The following PCM1 variants were observed in gnomAD, a reference collection of about 807,000 sequenced individuals.
PCM1 encodes the protein pericentriolar material 1.
In PCM1, 157 loss-of-function variants were observed where a neutral mutation model predicts 241.9. The ratio of observed to expected loss-of-function variants is 0.65; its 90% CI spans 0.57 to 0.74. The LOEUF is 0.74. PCM1 is among the 30% of genes least tolerant of loss of function. The pLI, the probability that PCM1 is intolerant of heterozygous loss-of-function variation, is 0.00. For synonymous variants in PCM1, 1,085 were observed against 784.9 expected (o/e 1.38, Z -6.39); for missense variants, 3,478 against 2,360.1 (o/e 1.47, Z -9.81).
rs2073698255 is a variant in PCM1 at position 17,963,875 on chromosome 8, G to C, written c.2654+584G>C. On this transcript the variant is annotated intron_variant, in intron 17 of 38. Coordinates refer to ENST00000325083, the MANE Select transcript of PCM1 (RefSeq NM_006197.4). ...TTGATATCCTCAGATGGCATTTCTG[G>C]AATTTCTGGAGTTTTGCACCAAGCC... Among the ~76,000 whole-genome samples the C allele has an allele frequency of 3.3e-5, 5 of 152,206 alleles. No homozygotes were observed. In the South Asian group the frequency reaches 1.0e-3, roughly 32 times the overall value.
chr8:17,937,023 A>G lies in PCM1; in HGVS notation c.97-111A>G, dbSNP rs73580044. ...GTCTCTAGGAGTATAAGTCTGTCAA[A>G]AATGTCTTGTCTTTTTTAATTTTAA... On this transcript the variant is annotated intron_variant, in intron 3 of 38. Coordinates refer to ENST00000325083, the MANE Select transcript of PCM1 (RefSeq NM_006197.4). The G allele has an allele frequency of 5.5e-3, 4,503 of 814,544 alleles. 151 individuals are homozygous for G. The African/African-American group carries it at 0.069, about 13-fold the overall frequency. The allele number at this position is 814,544 out of a possible 1,614,324, so 50.5% of individuals were successfully genotyped here. A position where few individuals can be genotyped will look rare whatever the true frequency, so the allele number is the denominator to read the frequency against.
At chr8:18,004,845 G>A (rs184173201) in intron 29 of PCM1, among the ~76,000 whole-genome samples, 7 of 152,194 alleles carry the variant, frequency 4.6e-5, no homozygotes, top group African/African-American at 1.2e-4. Flanking sequence ...ACTACCTGTC[G>A]TAATAGGCAT....
intron 38 of PCM1, among the ~76,000 whole-genome samples, chr8:18,026,674 A>G (rs868390255): frequency 1.8e-4 from 27 of 152,148 alleles, no homozygotes; most frequent in African/African-American, 5.5e-4. Context: ...GATGACAAGT[A>G]TGTATCTAGC....
chr8:17,969,841 G>A (rs1349158738), intron 22 of PCM1, 93 bp downstream of exon 22: 14 of 947,806 alleles, frequency 1.5e-5, no homozygotes, highest in Non-Finnish European at 1.9e-5. Context: ...TAGGGAGGAC[G>A]TTTGTGATGA....
At chr8:18,000,596 G>A (rs541972818) in intron 29 of PCM1, among the ~76,000 whole-genome samples, 1 of 151,130 alleles carries the variant, frequency 6.6e-6, no homozygotes, top group Non-Finnish European at 1.5e-5. Context: ...TTGGGAGAAG[G>A]GGGAGATGAA....
intron 29 of PCM1, among the ~76,000 whole-genome samples, chr8:18,001,846 C>G (rs189035990): frequency 6.6e-6 from 1 of 152,092 alleles, no homozygotes; most frequent in East Asian, 1.9e-4. Context: ...ACTGCTTTCT[C>G]TGTATCTGAC....
chr8:17,931,399 C>T (rs959123878), intron 2 of PCM1, among the ~76,000 whole-genome samples: 10 of 151,882 alleles, frequency 6.6e-5, no homozygotes, highest in Admixed American at 1.3e-4. Context: ...ATTGATTCTT[C>T]TGCTTCAGCC....
intron 33 of PCM1, 120 bp from the exon 34 acceptor site, chr8:18,011,547 G>A (rs1361994316): frequency 9.1e-7 from 1 of 1,102,278 alleles, no homozygotes; most frequent in Non-Finnish European, 1.3e-6. Context: ...AATACATTCT[G>A]TTTGAGGATT....
At chr8:17,937,406 G>T (rs1487438913) in intron 4 of PCM1, 27 bp downstream of exon 4, 2 of 1,519,870 alleles carry the variant, frequency 1.3e-6, no homozygotes, top group Non-Finnish European at 1.8e-6. Flanking sequence ...TAAAAATGAA[G>T]CTATTACTGT....
At chr8:18,000,925 C>G (rs552095530) in intron 29 of PCM1, among the ~76,000 whole-genome samples, 16 of 152,134 alleles carry the variant, frequency 1.1e-4, no homozygotes, top group Non-Finnish European at 2.2e-4. Context: ...TTATTTTGTA[C>G]TTTAAAATTG....
In PCM1 at chr8:18,017,768, G is replaced by A. The variant is rs891094344; in HGVS notation, c.5841+2928G>A. The stretch of plus-strand genomic sequence containing the variant: ...CACAGGAGGCTGAGGCAGGAGAATC[G>A]TTTGAACCCAGTGGGTGGAGGTTGT... On this transcript the variant is annotated intron_variant, in intron 36 of 38. Transcript: ENST00000325083. Among the ~76,000 whole-genome samples the A allele has an allele frequency of 7.9e-5, 12 of 152,204 alleles. No individual in the cohort carries two copies. In the South Asian group the frequency reaches 1.4e-3, roughly 18 times the overall value.
intron 6 of PCM1, among the ~76,000 whole-genome samples, chr8:17,945,751 C>G (rs553251779): frequency 6.6e-6 from 1 of 152,098 alleles, no homozygotes; most frequent in African/African-American, 2.4e-5. Context: ...CATAATTTCT[C>G]TGGGAATCAA....
chr8:18,024,261 G>C (rs1372275914), intron 36 of PCM1, among the ~76,000 whole-genome samples: 1 of 152,178 alleles, frequency 6.6e-6, no homozygotes, highest in Admixed American at 6.5e-5. Context: ...AGCTACTCAG[G>C]AGGCTGAGGC....
intron 6 of PCM1, among the ~76,000 whole-genome samples, chr8:17,941,391 G>A (rs1054140365): frequency 2.0e-5 from 3 of 152,114 alleles, no homozygotes; most frequent in African/African-American, 7.2e-5. Flanking sequence ...TTAAAAATGT[G>A]CTTTAACAAC....
intron 6 of PCM1, among the ~76,000 whole-genome samples, chr8:17,941,997 AC>A: frequency 6.6e-6 from 1 of 151,390 alleles, no homozygotes; most frequent in South Asian, 2.1e-4. Context: ...TCTGTCCCTT[AC>A]TGTTTTTTTT....
Position 17,923,106 on chromosome 8 carries a change from C to T in PCM1, c.-173C>T, listed in dbSNP as rs2055144133. On this transcript the variant is annotated 5_prime_UTR_variant, in exon 1 of 39. Coordinates refer to ENST00000325083, the MANE Select transcript of PCM1 (RefSeq NM_006197.4). The stretch of plus-strand genomic sequence containing the variant: ...CGTGTGGGCCTCTCTGCTGCGGTCT[C>T]CGAGGGCCGACCGCTGCCGGCGGCG... 1 of 152,584 alleles carries T rather than the reference C, an allele frequency of 6.6e-6. No individual in the cohort carries two copies. Among genetic ancestry groups the T allele is most frequent in the African/African-American group, 2.4e-5 (1 of 41,474 alleles). The allele number at this position is 152,584 out of a possible 1,614,324, so 9.5% of individuals were successfully genotyped here.
chr8:17,939,251 A>C (rs971474103), intron 5 of PCM1, among the ~76,000 whole-genome samples: 9 of 152,198 alleles, frequency 5.9e-5, no homozygotes, highest in Non-Finnish European at 2.9e-5. Context: ...ACAAAATAGC[A>C]TATTGCCAGT....
chr8:18,025,133 CTT>C lies in PCM1; in HGVS notation c.5842-210_5842-209del, dbSNP rs58967642. On this transcript the variant is annotated intron_variant, in intron 36 of 38. Coordinates refer to ENST00000325083, the MANE Select transcript of PCM1 (RefSeq NM_006197.4). ...CAGCATGTATGAACTGCCCCCCTGC[CTT>C]TTTTTTTTTTTTTTTTTGTGACAAA... The C allele has an allele frequency of 3.7e-3, 578 of 157,088 alleles. 1 individual carries two copies. Among genetic ancestry groups the C allele is most frequent in the East Asian group, 0.015 (106 of 7,158 alleles). 9.7% of individuals were successfully genotyped at this position (157,088 alleles called of 1,614,324 possible).
At chr8:17,969,230 C>A (rs896953348) in intron 21 of PCM1, among the ~76,000 whole-genome samples, 1 of 152,046 alleles carries the variant, frequency 6.6e-6, no homozygotes, top group African/African-American at 2.4e-5. Flanking sequence ...AAAATGAATG[C>A]AGTATCTATT....
Sources: allele counts gnomAD v4.1 joint callset (sites outside exome capture counted in the v4.1 genomes callset), GRCh38; gene constraint gnomAD v4.1.1; transcripts MANE v1.5; gene names NCBI Gene and HGNC (gene_info 2026-07-23, HGNC 2026-07-21).